The following CAND2 variants were observed in gnomAD, a reference collection of about 807,000 sequenced individuals.
The protein encoded by CAND2 is cullin associated and neddylation dissociated 2 (putative), also known as cullin-associated NEDD8-dissociated protein 2.
In CAND2, 62 loss-of-function variants were observed where a neutral mutation model predicts 98.9. The observed-to-expected ratio is 0.63, with a 90% CI of 0.51 to 0.77. CAND2 has a LOEUF of 0.77. Ranked by LOEUF, CAND2 falls within the 30% of genes least tolerant of loss-of-function variation. The probability of loss-of-function intolerance (pLI) is 0.00; values close to 1 mark genes in which losing one functional copy is unlikely to be tolerated. For synonymous variants in CAND2, 770 were observed against 731.9 expected (o/e 1.05, Z -0.84); for missense variants, 1,501 against 1,655.2 (o/e 0.91, Z 1.62).
intron 10 of CAND2, among the ~76,000 whole-genome samples, chr3:12,819,385 G>T (rs1395650857): frequency 6.6e-6 from 1 of 152,234 alleles, no homozygotes; most frequent in African/African-American, 2.4e-5. Context: ...GGGAGCAAAG[G>T]GGGCGAGCCA....
intron 4 of CAND2, 165 bp from the exon 5 acceptor site, chr3:12,809,894 A>G (rs1275158334): frequency 1.3e-6 from 1 of 745,504 alleles, no homozygotes; most frequent in Non-Finnish European, 2.0e-6. Flanking sequence ...TAACAAAAGT[A>G]ATTAAAATAA....
intron 1 of CAND2, among the ~76,000 whole-genome samples, chr3:12,802,988 CTTT>C (rs34041335): frequency 3.1e-5 from 4 of 127,356 alleles, no homozygotes; most frequent in Non-Finnish European, 1.6e-5. Context: ...CCATTAAAAT[CTTT>C]TTTTTTTTTT....
At chr3:12,812,378 C>T (rs1480713672) in intron 5 of CAND2, among the ~76,000 whole-genome samples, 7 of 149,702 alleles carry the variant, frequency 4.7e-5, no homozygotes, top group African/African-American at 1.5e-4. Context: ...TGTGTGCCAC[C>T]GTGCCCGGCT....
At chr3:12,827,648 G>A (rs2062015419) in intron 13 of CAND2, 44 bp downstream of exon 13, 1 of 1,542,126 alleles carries the variant, frequency 6.5e-7, no homozygotes, top group South Asian at 1.2e-5. Context: ...CCTGTACCAA[G>A]GGATAGTCGG....
chr3:12,810,054 C>T lies in CAND2; in HGVS notation c.492-5C>T. On this transcript the variant is annotated splice_region_variant and splice_polypyrimidine_tract_variant and intron_variant, in intron 4 of 14. Transcript: ENST00000456430. Reference sequence around the variant, plus strand: ...ATCGGCCTGATGCCCCCTCGTGCTCCCCAGGCTGGGTGTCCCGCTGGGCGC... The same window carrying T: ...ATCGGCCTGATGCCCCCTCGTGCTCTCCAGGCTGGGTGTCCCGCTGGGCGC... 1 of 1,420,536 alleles carries T rather than the reference C, an allele frequency of 7.0e-7. No individual in the cohort carries two copies. The highest frequency in any genetic ancestry group is 9.2e-7 in the Non-Finnish European group (1 of 1,088,168). The allele number at this position is 1,420,536 out of a possible 1,614,324, so 88.0% of individuals were successfully genotyped here. A position where few individuals can be genotyped will look rare whatever the true frequency, so the allele number is the denominator to read the frequency against.
intron 13 of CAND2, among the ~76,000 whole-genome samples, chr3:12,830,047 T>A (rs56031222): frequency 0.11 from 16,140 of 152,176 alleles, 939 homozygotes; most frequent in South Asian, 0.2. Flanking sequence ...AAGCATCCGA[T>A]GCGCGTGGTG....
chr3:12,815,968 C>T lies in CAND2; in HGVS notation c.1401C>T (p.Leu467=), dbSNP rs753393186. 11 of 1,613,796 alleles carry T rather than the reference C, an allele frequency of 6.8e-6. No homozygotes were observed. Among genetic ancestry groups the T allele is most frequent in the Admixed American group, 3.3e-5 (2 of 59,994 alleles). The change falls in exon 9 of 15, where the codon CTC becomes CTT. Residue 467 remains leucine (L), a synonymous_variant. Coordinates refer to ENST00000456430, the MANE Select transcript of CAND2 (RefSeq NM_001162499.2). This position sits in a 1 kb window ranked among gnomAD's most constrained non-coding sequence, Gnocchi z 5.7. ...TCCTCACCGAGCTGGCGGGTGTCCT[C>T]CCAGGCAGCCTGGCCGAGCATATGC... ...FSLLTELAGV[L]PGSLAEHMPV... is the part of the protein sequence containing the mutation.
chr3:12,804,714 T>C (rs1277824568), intron 2 of CAND2, among the ~76,000 whole-genome samples: 1 of 152,182 alleles, frequency 6.6e-6, no homozygotes, highest in Admixed American at 6.6e-5. Flanking sequence ...TAGCATCACC[T>C]GGGTAATTTT....
intron 5 of CAND2, among the ~76,000 whole-genome samples, chr3:12,811,129 G>GGGT (rs2061848902): frequency 6.6e-6 from 1 of 152,106 alleles, no homozygotes; most frequent in African/African-American, 2.4e-5. Context: ...GGGGGTGGGG[G>GGGT]GGGGAACCCC....
In CAND2 at chr3:12,817,553, G is replaced by T; in HGVS notation, c.2621G>T (p.Ser874Ile). 1 of 1,613,942 alleles carries T rather than the reference G, an allele frequency of 6.2e-7. No individual in the cohort carries two copies. The highest frequency in any genetic ancestry group is 8.5e-7 in the Non-Finnish European group (1 of 1,180,024). ...CTCCTGGAAGCTTTGGGGTCACCCA[G>T]TGAGGATGTGAGGGCTGCAGCCTCG... ...AVLLEALGSP[S>I]EDVRAAASYA... Residue 874 changes from serine to isoleucine, a missense_variant, in exon 10 of 15, where the codon AGT (serine) becomes ATT (isoleucine). This residue lies in a region of CAND2 where 1,427 missense variants were observed against 1,545.3 expected (regional missense o/e 0.92). Transcript: ENST00000456430.
intron 3 of CAND2, among the ~76,000 whole-genome samples, chr3:12,807,685 G>A (rs1489986158): frequency 6.6e-6 from 1 of 152,176 alleles, no homozygotes; most frequent in Non-Finnish European, 1.5e-5. Flanking sequence ...CTAACTAACG[G>A]CAGTTTAAAG....
intron 14 of CAND2, 95 bp from the exon 15 acceptor site, chr3:12,833,660 T>G: frequency 1.1e-6 from 1 of 949,524 alleles, no homozygotes; most frequent in Admixed American, 1.9e-5. Context: ...TTGGGGAAGA[T>G]GATGGGGCAG....
Position 12,803,630 on chromosome 3 carries a change from T to A in CAND2, c.211T>A (p.Cys71Ser), listed in dbSNP as rs1486738075. The A allele has an allele frequency of 6.2e-7, 1 of 1,602,686 alleles. No individual in the cohort carries two copies. Among genetic ancestry groups the A allele is most frequent in the African/African-American group, 1.3e-5 (1 of 74,574 alleles). ...NGEVQNLAVKCLGPLVVKVKE... is the reference protein window; with the variant it reads ...NGEVQNLAVKSLGPLVVKVKE... Reference sequence around the variant, plus strand: ...TGAGGTGCAGAACCTGGCTGTCAAGTGGTGAGTGTCAGCCTCGGTGGAGCA... The same window carrying A: ...TGAGGTGCAGAACCTGGCTGTCAAGAGGTGAGTGTCAGCCTCGGTGGAGCA... The change falls in exon 2 of 15, where the codon TGC (cysteine) becomes AGC (serine). Residue 71 changes from cysteine (C) to serine (S), a missense_variant and splice_region_variant. By Grantham distance (112) the Cys-to-Ser change is moderately radical. This residue lies in a region of CAND2 where 12 missense variants were observed against 32.6 expected (regional missense o/e 0.37). Coordinates refer to ENST00000456430, the MANE Select transcript of CAND2 (RefSeq NM_001162499.2).
chr3:12,814,382 G>A (rs192419800), intron 7 of CAND2, among the ~76,000 whole-genome samples: 5 of 152,196 alleles, frequency 3.3e-5, no homozygotes, highest in African/African-American at 1.2e-4. Flanking sequence ...GTTCCTCGCT[G>A]TGTGCCCTGA....
At position 12,808,348 on chromosome 3, in the gene CAND2, C is replaced by A; in HGVS notation, c.491+15C>A. 1 of 1,551,018 alleles carries A rather than the reference C, an allele frequency of 6.4e-7. No individual in the cohort carries two copies. The highest frequency in any genetic ancestry group is 8.7e-7 in the Non-Finnish European group (1 of 1,146,706). On this transcript the variant is annotated intron_variant, in intron 4 of 14. Transcript: ENST00000456430. ...ATGCTGAGCAGGTGTGGGAGGCCAT[C>A]CTGGGTATTGAGGAAGAGTGGGTAA...
intron 2 of CAND2, 93 bp from the exon 3 acceptor site, chr3:12,807,213 G>T: frequency 1.7e-6 from 2 of 1,205,460 alleles, no homozygotes; most frequent in Non-Finnish European, 2.3e-6. Context: ...TCCTCAGCAC[G>T]TGTGGCCGCA....
At chr3:12,803,271 C>A (rs1426902744) in intron 1 of CAND2, among the ~76,000 whole-genome samples, 1 of 152,160 alleles carries the variant, frequency 6.6e-6, no homozygotes, top group Admixed American at 6.5e-5. Flanking sequence ...GGATTACAGG[C>A]GTGAGCCATT....
rs746806446 is a variant in CAND2 at position 12,817,658 on chromosome 3, G to A, written c.2726G>A (p.Arg909Gln). The A allele has an allele frequency of 2.5e-6, 4 of 1,612,074 alleles. No individual in the cohort carries two copies. Among genetic ancestry groups the A allele is most frequent in the Admixed American group, 1.7e-5 (1 of 59,896 alleles). The change falls in exon 10 of 15, where the codon CGA (arginine) becomes CAA (glutamine). Residue 909 changes from arginine (R) to glutamine (Q), a missense_variant. Around this residue, in one of 3 missense-constraint regions of CAND2, gnomAD observed 1,427 missense variants for 1,545.3 expected, o/e 0.92. Transcript: ENST00000456430. ...FLLEQIEAEP[R>Q]RQYLLLHSLR... ...CTGGAGCAGATCGAGGCTGAGCCCC[G>A]ACGACAGTACCTGCTGCTGCACTCA...
Position 12,817,087 on chromosome 3 carries a change from G to T in CAND2, c.2155G>T (p.Ala719Ser), listed in dbSNP as rs1210858047. The change falls in exon 10 of 15, where the codon GCC becomes TCC. Residue 719 changes from alanine to serine, a missense_variant. Physicochemically the swap from Ala to Ser is moderately conservative, Grantham distance 99 (BLOSUM62 1). This residue lies in a region of CAND2 where 1,427 missense variants were observed against 1,545.3 expected (regional missense o/e 0.92). Coordinates refer to ENST00000456430, the MANE Select transcript of CAND2 (RefSeq NM_001162499.2). The part of the protein sequence containing the change: ...HVAQLAVDFL[A>S]TVTQAQPASL... ...GGCCCAGCTGGCTGTGGACTTCCTT[G>T]CCACAGTGACCCAGGCCCAGCCAGC... The T allele has an allele frequency of 5.6e-6, 9 of 1,612,764 alleles. No homozygotes were observed. Among genetic ancestry groups the T allele is most frequent in the Non-Finnish European group, 6.8e-6 (8 of 1,180,006 alleles).
Sources: allele counts gnomAD v4.1 joint callset (sites outside exome capture counted in the v4.1 genomes callset), GRCh38; gene constraint gnomAD v4.1.1; regional missense constraint gnomAD v4.1.1; non-coding constraint Gnocchi (gnomAD v3.1); transcripts MANE v1.5; gene names NCBI Gene and HGNC (gene_info 2026-07-23, HGNC 2026-07-21).